The following MCTP1 variants were observed in gnomAD, a reference collection of about 807,000 sequenced individuals.
MCTP1 encodes multiple C2 and transmembrane domain-containing protein 1.
MCTP1 carries 69 observed loss-of-function variants against 120.6 expected under a neutral mutation model. The observed-to-expected ratio is 0.57, with a 90% confidence interval of 0.47 to 0.70. The LOEUF (loss-of-function observed/expected upper bound fraction) is 0.70, where lower values mean the gene tolerates loss of function less well. Among genes scored for constraint, MCTP1 ranks in the 30% least tolerant of loss-of-function variants. MCTP1 has a pLI of 0.00. For missense variants in MCTP1, 1,203 were observed against 1,248.8 expected (o/e 0.96, Z 0.55); for synonymous variants, 529 against 493.1 (o/e 1.07, Z -0.96).
At chr5:95,036,572 T>C (rs1443649418) in intron 1 of MCTP1, among the ~76,000 whole-genome samples, 1 of 152,222 alleles carries the variant, frequency 6.6e-6, no homozygotes, top group African/African-American at 2.4e-5. Flanking sequence ...TATCTGAGTT[T>C]CCTCGTCAGA....
chr5:95,123,098 T>C (rs539157266), intron 1 of MCTP1, among the ~76,000 whole-genome samples: 1 of 152,254 alleles, frequency 6.6e-6, no homozygotes, highest in South Asian at 2.1e-4. Context: ...AATTGTACAT[T>C]TTAAAATAAC....
intron 2 of MCTP1, among the ~76,000 whole-genome samples, chr5:95,012,935 A>G (rs918827273): frequency 5.9e-5 from 9 of 152,180 alleles, no homozygotes; most frequent in African/African-American, 2.2e-4. Flanking sequence ...CTTAGTGACA[A>G]TGGCATGTCA....
chr5:95,164,300 C>CA (rs35180901), intron 1 of MCTP1, among the ~76,000 whole-genome samples: 43,178 of 150,518 alleles, frequency 0.29, 6,555 homozygotes, highest in East Asian at 0.58. Flanking sequence ...TTATTCACAT[C>CA]AAAAAAAAAG....
chr5:95,171,486 G>T (rs1267743825), intron 1 of MCTP1, among the ~76,000 whole-genome samples: 1 of 152,130 alleles, frequency 6.6e-6, no homozygotes, highest in Admixed American at 6.5e-5. Flanking sequence ...AGTTCTCCTG[G>T]ATAATATCCT....
chr5:94,710,996 G>A, intron 20 of MCTP1, 69 bp from the exon 21 acceptor site: 3 of 1,070,548 alleles, frequency 2.8e-6, no homozygotes, highest in Middle Eastern at 2.0e-4. Context: ...AAATACATAT[G>A]ATTCTAACTT....
chr5:95,264,366 G>C (rs1282818698), intron 1 of MCTP1, among the ~76,000 whole-genome samples: 2 of 152,112 alleles, frequency 1.3e-5, no homozygotes, highest in East Asian at 3.9e-4. Flanking sequence ...TAAAAACCTA[G>C]TTGATATACA....
chr5:95,124,248 T>C (rs1457889739), intron 1 of MCTP1, among the ~76,000 whole-genome samples: 3 of 152,232 alleles, frequency 2.0e-5, no homozygotes, highest in Non-Finnish European at 4.4e-5. Flanking sequence ...TCTAGCTGAC[T>C]GGCATACTCT....
intron 1 of MCTP1, among the ~76,000 whole-genome samples, chr5:95,076,187 AGTTATATG>A (rs145043699): frequency 0.044 from 6,670 of 150,292 alleles, 215 homozygotes; most frequent in Middle Eastern, 0.061. Context: ...TTATGATAAA[AGTTATATG>A]AATGTGGCCT....
At chr5:95,090,580 T>C (rs560503670) in intron 1 of MCTP1, among the ~76,000 whole-genome samples, 1 of 152,274 alleles carries the variant, frequency 6.6e-6, no homozygotes, top group South Asian at 2.1e-4. Context: ...CACATGACCA[T>C]TAGAAGGGCA....
At chr5:95,191,866 A>G (rs896582342) in intron 1 of MCTP1, among the ~76,000 whole-genome samples, 1 of 152,026 alleles carries the variant, frequency 6.6e-6, no homozygotes, top group Admixed American at 6.6e-5. Flanking sequence ...AGCTTTGGAA[A>G]TCAAATTCCA....
At chr5:94,867,216 G>A (rs1020887987) in intron 17 of MCTP1, 2 of 1,403,818 alleles carry the variant, frequency 1.4e-6, no homozygotes, top group South Asian at 3.2e-5. Flanking sequence ...GAGAGAGAGA[G>A]ATTTTTTTTC....
intron 8 of MCTP1, 90 bp from the exon 9 acceptor site, chr5:94,913,066 CA>C (rs897908849): frequency 8.8e-5 from 70 of 791,184 alleles, no homozygotes; most frequent in Admixed American, 8.4e-4. Context: ...TATGATTCTT[CA>C]AAAAATAAAG....
At chr5:95,264,318 C>T (rs1390196038) in intron 1 of MCTP1, among the ~76,000 whole-genome samples, 1 of 152,166 alleles carries the variant, frequency 6.6e-6, no homozygotes, top group Non-Finnish European at 1.5e-5. Context: ...ATTAGCATGG[C>T]TTTTCAAATA....
At chr5:94,886,458 T>C (rs1037105147) in intron 12 of MCTP1, among the ~76,000 whole-genome samples, 2 of 152,292 alleles carry the variant, frequency 1.3e-5, no homozygotes, top group African/African-American at 4.8e-5. Flanking sequence ...TTCAGATCAT[T>C]AAAAATATCA....
intron 1 of MCTP1, among the ~76,000 whole-genome samples, chr5:95,141,650 T>C (rs770660157): frequency 6.6e-6 from 1 of 152,176 alleles, no homozygotes; most frequent in Non-Finnish European, 1.5e-5. Context: ...TTCATTGTCT[T>C]CTTGATTTCA....
intron 1 of MCTP1, among the ~76,000 whole-genome samples, chr5:95,029,439 C>T (rs1839887983): frequency 6.6e-6 from 1 of 152,112 alleles, no homozygotes; most frequent in African/African-American, 2.4e-5. Flanking sequence ...ACATTGGATG[C>T]TAGTTCTCCT....
At chr5:94,912,998 GTTAGGT>G in intron 8 of MCTP1, 22 bp from the exon 9 acceptor site, 1 of 1,579,594 alleles carries the variant, frequency 6.3e-7, no homozygotes, top group Non-Finnish European at 8.6e-7. Context: ...TGAAAATTGA[GTTAGGT>G]TACTGTGTTT....
At chr5:95,262,921 A>T (rs1758586925) in intron 1 of MCTP1, among the ~76,000 whole-genome samples, 1 of 152,188 alleles carries the variant, frequency 6.6e-6, no homozygotes, top group Non-Finnish European at 1.5e-5. Flanking sequence ...ATTCAATTTG[A>T]TTTCGCATTA....
At chr5:94,802,799 C>T (rs1340017793) in intron 17 of MCTP1, among the ~76,000 whole-genome samples, 1 of 152,104 alleles carries the variant, frequency 6.6e-6, no homozygotes, top group East Asian at 1.9e-4. Context: ...CAAAAATAAA[C>T]CATAAAATGT....
Sources: gnomAD v4.1 joint callset for allele counts (sites outside exome capture counted in the v4.1 genomes callset) on GRCh38, gnomAD v4.1.1 for gene constraint, MANE v1.5 for transcripts, NCBI Gene and HGNC (gene_info 2026-07-23, HGNC 2026-07-21) for gene names.